The following STK40 variants were observed in gnomAD, a reference collection of about 807,000 sequenced individuals.
The protein encoded by STK40 is serine/threonine kinase 40, also known as serine/threonine-protein kinase 40.
Under a neutral mutation model 47.9 loss-of-function variants are expected in STK40, and 13 were observed. The ratio of observed to expected loss-of-function variants is 0.27; its 90% CI spans 0.18 to 0.43. The LOEUF (loss-of-function observed/expected upper bound fraction) is 0.43. Among genes scored for constraint, STK40 ranks in the 20% least tolerant of loss-of-function variants. The pLI is 1.00. For synonymous variants in STK40, 225 were observed against 243.2 expected (o/e 0.93, Z 0.69); for missense variants, 460 against 595.1 (o/e 0.77, Z 2.36).
chr1:36,378,440 G>A (rs528314303), intron 1 of STK40, among the ~76,000 whole-genome samples: 1 of 152,092 alleles, frequency 6.6e-6, no homozygotes, highest in Admixed American at 6.6e-5. Flanking sequence ...TATTACAAAG[G>A]ACCTGGGAGG....
chr1:36,373,198 G>T (rs1221149551), intron 1 of STK40, among the ~76,000 whole-genome samples: 1 of 152,216 alleles, frequency 6.6e-6, no homozygotes, highest in Non-Finnish European at 1.5e-5. Context: ...ACAGCTGAAT[G>T]ATGCTGTGGC....
intron 1 of STK40, among the ~76,000 whole-genome samples, chr1:36,382,974 G>A (rs1647053700): frequency 6.6e-6 from 1 of 152,148 alleles, no homozygotes; most frequent in African/African-American, 2.4e-5. Flanking sequence ...TTGAGACAGA[G>A]TTTCGCTCTT....
chr1:36,382,010 G>C (rs1380148763), intron 1 of STK40, among the ~76,000 whole-genome samples: 2 of 152,116 alleles, frequency 1.3e-5, no homozygotes, highest in African/African-American at 4.8e-5. Context: ...GGACCCAGCA[G>C]AGCCCCAGCC....
Position 36,348,796 on chromosome 1 carries a change from T to C in STK40, c.643A>G (p.Thr215Ala), listed in dbSNP as rs779860351. 16 of 1,606,656 alleles carry C rather than the reference T, an allele frequency of 1.0e-5. No individual in the cohort carries two copies. The East Asian group carries it at 3.6e-4, about 36-fold the overall frequency. Reference sequence around the variant, plus strand: ...AGATGCTTCCCGAGGCAGAAGTTGGTGATGGTTATCCGATGTGTCCTAGGA... The same window carrying C: ...AGATGCTTCCCGAGGCAGAAGTTGGCGATGGTTATCCGATGTGTCCTAGGA... ...LNKRTHRITI[T>A]NFCLGKHLVS... Residue 215 changes from threonine (T) to alanine (A), a missense_variant, in exon 7 of 11, where the codon ACC becomes GCC. By Grantham distance (58) the Thr-to-Ala change is moderately conservative (BLOSUM62 0). Coordinates refer to ENST00000373132, the MANE Select transcript of STK40 (RefSeq NM_001282547.2).
intron 2 of STK40, 143 bp from the exon 3 acceptor site, chr1:36,358,965 G>T: frequency 3.7e-6 from 3 of 805,040 alleles, no homozygotes; most frequent in Non-Finnish European, 3.9e-6. Flanking sequence ...AAGGTCTCCT[G>T]GTGGAGAGTT....
intron 1 of STK40, among the ~76,000 whole-genome samples, chr1:36,363,551 A>G (rs1343023445): frequency 6.6e-6 from 1 of 152,050 alleles, no homozygotes; most frequent in Non-Finnish European, 1.5e-5. Context: ...TCACGCCTGT[A>G]ATACCAGCAC....
intron 1 of STK40, among the ~76,000 whole-genome samples, chr1:36,378,867 C>T (rs956818780): frequency 1.3e-5 from 2 of 152,266 alleles, no homozygotes; most frequent in Non-Finnish European, 2.9e-5. Context: ...ATGCTGGAAG[C>T]GCCATACTTA....
At chr1:36,370,670 C>T (rs552455079) in intron 1 of STK40, among the ~76,000 whole-genome samples, 14 of 152,110 alleles carry the variant, frequency 9.2e-5, no homozygotes, top group African/African-American at 2.7e-4. Flanking sequence ...CCTGCAAGGG[C>T]GGCTCACACT....
chr1:36,365,700 T>C (rs1281805121), intron 1 of STK40, among the ~76,000 whole-genome samples: 1 of 152,228 alleles, frequency 6.6e-6, no homozygotes, highest in Non-Finnish European at 1.5e-5. Context: ...TAAGTATCAC[T>C]TCCTCAGAGA....
At chr1:36,354,500 G>T in intron 5 of STK40, 84 bp from the exon 6 acceptor site, 1 of 1,453,884 alleles carries the variant, frequency 6.9e-7, no homozygotes, top group Non-Finnish European at 9.6e-7. Flanking sequence ...GGCTCTCCAG[G>T]TGTTCGAGAA....
intron 1 of STK40, among the ~76,000 whole-genome samples, chr1:36,371,697 A>G (rs971637037): frequency 6.8e-6 from 1 of 146,452 alleles, no homozygotes; most frequent in Non-Finnish European, 1.5e-5. Context: ...AAAAAAAAAA[A>G]AAAAAAAAAA....
At position 36,358,232 on chromosome 1, in the gene STK40, C is replaced by A; in HGVS notation, c.342+7G>T. 1 of 1,577,538 alleles carries A rather than the reference C, an allele frequency of 6.3e-7. No individual in the cohort carries two copies. Among genetic ancestry groups the A allele is most frequent in the Non-Finnish European group, 8.7e-7 (1 of 1,152,566 alleles). ...GAGCGCGAAGGGTGAGGGGGAAGGC[C>A]GCTCACCTGGAAGAGGCCGTGGTGG... On this transcript the variant is annotated splice_region_variant and intron_variant, in intron 4 of 10. Transcript: ENST00000373132.
At chr1:36,342,150 C>T (rs1646655207) in intron 10 of STK40, 177 bp from the exon 11 acceptor site, 3 of 628,378 alleles carry the variant, frequency 4.8e-6, no homozygotes, top group Admixed American at 2.9e-5. Flanking sequence ...GGTCCCTGAC[C>T]CCCTCCAGCC....
rs1273570048 is a variant in STK40, at chr1:36,358,231, C to T, written c.342+8G>A. 1.3e-6 allele frequency: 2 copies of T among 1,576,456 alleles called. No individual in the cohort carries two copies. Among genetic ancestry groups the T allele is most frequent in the Non-Finnish European group, 1.7e-6 (2 of 1,151,962 alleles). On this transcript the variant is annotated splice_region_variant and intron_variant, in intron 4 of 10. Coordinates refer to ENST00000373132, the MANE Select transcript of STK40 (RefSeq NM_001282547.2). ...TGAGCGCGAAGGGTGAGGGGGAAGG[C>T]CGCTCACCTGGAAGAGGCCGTGGTG...
At chr1:36,368,310 T>TCGCTCG (rs2124745083) in intron 1 of STK40, among the ~76,000 whole-genome samples, 1 of 152,312 alleles carries the variant, frequency 6.6e-6, no homozygotes, top group African/African-American at 2.4e-5. Flanking sequence ...GGTCTTGCTC[T>TCGCTCG]GTCACCCAGA....
At chr1:36,364,481 G>A (rs985884136) in intron 1 of STK40, among the ~76,000 whole-genome samples, 2 of 152,022 alleles carry the variant, frequency 1.3e-5, no homozygotes, top group Non-Finnish European at 2.9e-5. Flanking sequence ...TATTTCTGAG[G>A]TTGAATTTGT....
intron 4 of STK40, among the ~76,000 whole-genome samples, chr1:36,356,655 G>C (rs1246923997): frequency 3.9e-5 from 6 of 151,980 alleles, no homozygotes; most frequent in South Asian, 2.1e-4. Context: ...TCAATCTCCT[G>C]ACCTCATGAT....
chr1:36,376,753 A>G (rs2124751489), intron 1 of STK40, among the ~76,000 whole-genome samples: 1 of 152,358 alleles, frequency 6.6e-6, no homozygotes, highest in South Asian at 2.1e-4. Context: ...ACTTGGGTTA[A>G]AAAAGATTAT....
At chr1:36,353,905 C>T (rs912628226) in intron 6 of STK40, among the ~76,000 whole-genome samples, 29 of 152,288 alleles carry the variant, frequency 1.9e-4, no homozygotes, top group African/African-American at 6.5e-4. Flanking sequence ...TTGCTCGTTC[C>T]TTCACCCCAT....
Sources: allele counts gnomAD v4.1 joint callset (sites outside exome capture counted in the v4.1 genomes callset), GRCh38; gene constraint gnomAD v4.1.1; transcripts MANE v1.5; gene names NCBI Gene and HGNC (gene_info 2026-07-23, HGNC 2026-07-21).